The following TYW1B variants were observed in gnomAD, a reference collection of about 807,000 sequenced individuals.
TYW1B encodes the protein S-adenosyl-L-methionine-dependent tRNA 4-demethylwyosine synthase TYW1B.
In TYW1B, 73 loss-of-function variants were observed where a neutral mutation model predicts 86.9. The observed-to-expected ratio is 0.84, with a 90% CI of 0.70 to 1.02. The LOEUF (loss-of-function observed/expected upper bound fraction) is 1.02. TYW1B is among the 50% of genes least tolerant of loss of function. The pLI is 0.00. For synonymous variants in TYW1B, 248 were observed against 292.8 expected (o/e 0.85, Z 1.56); for missense variants, 637 against 827.4 (o/e 0.77, Z 2.82).
At chr7:72,632,472 T>TAG (rs1812558682) in intron 11 of TYW1B, among the ~76,000 whole-genome samples, 1 of 120,486 alleles carries the variant, frequency 8.3e-6, no homozygotes, top group Non-Finnish European at 1.6e-5. Flanking sequence ...CATATATATA[T>TAG]AAAATATATA....
intron 11 of TYW1B, among the ~76,000 whole-genome samples, chr7:72,671,994 C>T (rs547149799): frequency 2.8e-5 from 3 of 107,176 alleles, no homozygotes; most frequent in African/African-American, 1.0e-4. Context: ...GGGTCCCCAC[C>T]CAAATCTCAT....
At chr7:72,711,470 A>ACTTTTTT (rs1786660778) in intron 10 of TYW1B, among the ~76,000 whole-genome samples, 1 of 45,620 alleles carries the variant, frequency 2.2e-5, no homozygotes, top group African/African-American at 8.6e-5. Flanking sequence ...CTCCTCTTTA[A>ACTTTTTT]TTCTTTTTTT....
At chr7:72,758,320 TAACA>T (rs1787628023) in intron 7 of TYW1B, among the ~76,000 whole-genome samples, 1 of 152,076 alleles carries the variant, frequency 6.6e-6, no homozygotes, top group South Asian at 2.1e-4. Context: ...AAGTGCAGCA[TAACA>T]AGACCTGTCT....
chr7:72,728,713 G>A lies in TYW1B; in HGVS notation c.1192+109C>T, dbSNP rs1328891545. 3 of 1,080,002 alleles carry A rather than the reference G, an allele frequency of 2.8e-6. No individual in the cohort carries two copies. In the African/African-American group the frequency reaches 4.8e-5, roughly 17 times the overall value. The allele number at this position is 1,080,002 out of a possible 1,614,324, so 66.9% of individuals were successfully genotyped here. A position where few individuals can be genotyped will look rare whatever the true frequency, so the allele number is the denominator to read the frequency against. On this transcript the variant is annotated intron_variant, in intron 9 of 13. Coordinates refer to ENST00000620995, the MANE Select transcript of TYW1B (RefSeq NM_001145440.3). Reference sequence around the variant, plus strand: ...CTACGAAGTTTTCACTTCCTTAGAGGAAAATTTGCCAGTGGGGACAAAATC... The same window carrying A: ...CTACGAAGTTTTCACTTCCTTAGAGAAAAATTTGCCAGTGGGGACAAAATC...
intron 7 of TYW1B, among the ~76,000 whole-genome samples, chr7:72,756,069 G>C (rs1322275771): frequency 1.3e-5 from 2 of 152,166 alleles, no homozygotes; most frequent in African/African-American, 2.4e-5. Flanking sequence ...GAAATGGAGA[G>C]TGAAACATAG....
chr7:72,816,024 G>A (rs1332035472), intron 2 of TYW1B, among the ~76,000 whole-genome samples: 1 of 151,780 alleles, frequency 6.6e-6, no homozygotes, highest in Non-Finnish European at 1.5e-5. Context: ...CTGAGATCCT[G>A]TCTCATAAAG....
At chr7:72,667,757 C>G (rs1163015646) in intron 11 of TYW1B, among the ~76,000 whole-genome samples, 4 of 152,118 alleles carry the variant, frequency 2.6e-5, no homozygotes, top group African/African-American at 9.7e-5. Flanking sequence ...GGAAAACCAG[C>G]AACACAAAGA....
At chr7:72,762,264 G>GTTCT in intron 7 of TYW1B, among the ~76,000 whole-genome samples, 1 of 152,248 alleles carries the variant, frequency 6.6e-6, no homozygotes, top group East Asian at 1.9e-4. Flanking sequence ...GTGAGGAAAA[G>GTTCT]TTCTTTCTTT....
chr7:72,599,630 T>C (rs782536902), intron 13 of TYW1B, among the ~76,000 whole-genome samples: 17 of 151,944 alleles, frequency 1.1e-4, no homozygotes, highest in Non-Finnish European at 2.1e-4. Context: ...ATGTAGAAGA[T>C]CCCAAAGAAT....
At chr7:72,589,394 A>G (rs1229116748) in intron 13 of TYW1B, among the ~76,000 whole-genome samples, 1 of 152,218 alleles carries the variant, frequency 6.6e-6, no homozygotes. Flanking sequence ...CTAATAGGAA[A>G]TACCTCGATT....
intron 11 of TYW1B, among the ~76,000 whole-genome samples, chr7:72,689,118 C>T (rs1814078793): frequency 6.6e-6 from 1 of 152,076 alleles, no homozygotes; most frequent in African/African-American, 2.4e-5. Context: ...AACAGATATC[C>T]AGATTAGCCA....
At chr7:72,593,285 C>T (rs1811441735) in intron 13 of TYW1B, among the ~76,000 whole-genome samples, 1 of 126,572 alleles carries the variant, frequency 7.9e-6, no homozygotes, top group African/African-American at 3.7e-5. Context: ...AAGAGCAAAA[C>T]TCCATCTCAA....
intron 7 of TYW1B, among the ~76,000 whole-genome samples, chr7:72,765,044 G>A (rs1554468087): frequency 6.6e-6 from 1 of 152,008 alleles, no homozygotes; most frequent in African/African-American, 2.4e-5. Flanking sequence ...GGATACAATT[G>A]GAAATATAAA....
intron 10 of TYW1B, among the ~76,000 whole-genome samples, chr7:72,704,533 G>C (rs1225712514): frequency 2.0e-5 from 3 of 148,360 alleles, no homozygotes; most frequent in South Asian, 2.1e-4. Flanking sequence ...AGGATCACTT[G>C]AGCACAGGAG....
chr7:72,802,582 C>G lies in TYW1B; in HGVS notation c.724-60G>C, dbSNP rs1314840856. On this transcript the variant is annotated intron_variant, in intron 5 of 13. Coordinates refer to ENST00000620995, the MANE Select transcript of TYW1B (RefSeq NM_001145440.3). ...AAGGGGCAAAGGCAAAGTTCTCTCA[C>G]CCTCCCTCCCACACTGAGAATTCAC... The G allele has an allele frequency of 5.0e-6, 8 of 1,598,038 alleles. No homozygotes were observed. In the East Asian group the frequency reaches 1.8e-4, roughly 36 times the overall value.
At chr7:72,790,393 A>G (rs1368948962) in intron 6 of TYW1B, among the ~76,000 whole-genome samples, 1 of 152,146 alleles carries the variant, frequency 6.6e-6, no homozygotes, top group Non-Finnish European at 1.5e-5. Context: ...GAGCCCTACC[A>G]CAGAGGCAAT....
chr7:72,755,143 C>T (rs1172803044), intron 7 of TYW1B, among the ~76,000 whole-genome samples: 2 of 152,084 alleles, frequency 1.3e-5, no homozygotes, highest in African/African-American at 4.8e-5. Context: ...TCTGGCGGGG[C>T]ACAGTGGCTC....
At position 72,632,475 on chromosome 7, in the gene TYW1B, A is replaced by T. The variant is rs1448233778; in HGVS notation, c.1507-3478T>A. On this transcript the variant is annotated intron_variant, in intron 11 of 13. Coordinates refer to ENST00000620995, the MANE Select transcript of TYW1B (RefSeq NM_001145440.3). ...AATATATATATACATATATATATAAAATATATATATACACATATATACATA... is the reference window on the plus strand; with the variant it reads ...AATATATATATACATATATATATAATATATATATATACACATATATACATA... Among the ~76,000 whole-genome samples, 32 of 130,384 alleles carry T rather than the reference A, an allele frequency of 2.5e-4. No individual in the cohort carries two copies. The East Asian group carries it at 6.1e-3, about 25-fold the overall frequency. The allele number at this position is 130,384 out of a possible 152,430, so 85.5% of individuals were successfully genotyped here.
intron 7 of TYW1B, among the ~76,000 whole-genome samples, chr7:72,766,158 T>C (rs553113796): frequency 1.3e-5 from 2 of 152,234 alleles, no homozygotes; most frequent in Non-Finnish European, 1.5e-5. Context: ...GAAACCCATA[T>C]ACACAAAACA....
Sources: allele counts gnomAD v4.1 joint callset (sites outside exome capture counted in the v4.1 genomes callset), GRCh38; gene constraint gnomAD v4.1.1; transcripts MANE v1.5; gene names NCBI Gene and HGNC (gene_info 2026-07-23, HGNC 2026-07-21).